Variants in APOL4 observed in about 807,000 individuals in gnomAD.
APOL4 encodes apolipoprotein L, 4.
A neutral mutation model predicts 12.1 loss-of-function variants in APOL4; 14 were observed. The ratio of observed to expected loss-of-function variants is 1.16; its 90% CI spans 0.76 to 1.81. The LOEUF is 1.81. Ranked by LOEUF, APOL4 falls within the 40% of genes most tolerant of loss-of-function variation. The pLI is 0.00. For synonymous variants in APOL4, 171 were observed against 160.6 expected, an observed-to-expected ratio of 1.06 and a Z score of -0.49; for missense variants, 432 against 423.1, an observed-to-expected ratio of 1.02 and a Z score of -0.18.
At chr22:36,195,776 T>TCACACACACA (rs577893547) in intron 2 of APOL4, among the ~76,000 whole-genome samples, 1 of 96,986 alleles carries the variant, frequency 1.0e-5, no homozygotes, top group African/African-American at 3.5e-5. Flanking sequence ...TCTCTCTCTC[T>TCACACACACA]CACACACACA....
At chr22:36,200,702 TG>T (rs1233234508) in intron 1 of APOL4, among the ~76,000 whole-genome samples, 14 of 152,358 alleles carry the variant, frequency 9.2e-5, no homozygotes, top group African/African-American at 3.4e-4. Flanking sequence ...CATCTCAAAA[TG>T]TTTTATACCT....
chr22:36,204,449 G>C (rs2146953889), upstream of APOL4, among the ~76,000 whole-genome samples: 1 of 152,336 alleles, frequency 6.6e-6, no homozygotes, highest in South Asian at 2.1e-4. Context: ...CAGCAGGAGG[G>C]AGGGAGCAAT....
chr22:36,195,743 ATCTCTCTCTCTC>A (rs143180155), intron 2 of APOL4, among the ~76,000 whole-genome samples: 8 of 93,376 alleles, frequency 8.6e-5, no homozygotes, highest in African/African-American at 3.5e-4. Flanking sequence ...GAGACAGATG[ATCTCTCTCTCTC>A]TCTCTCTCTC....
Position 36,189,327 on chromosome 22 carries a change from T to C in APOL4, c.*1748A>G, listed in dbSNP as rs747465037. On this transcript the variant is annotated 3_prime_UTR_variant, in exon 4 of 4. Coordinates refer to ENST00000683024, the MANE Select transcript of APOL4 (RefSeq NM_001386885.1). ...TGTTTGGATTCTCAGAGACACCTGG[T>C]CCTCAGCTGGGCACCATGGAAATGG... 3.9e-5 allele frequency: 6 copies of C among 152,224 alleles called. No homozygotes were observed. Among genetic ancestry groups the C allele is most frequent in the Non-Finnish European group, 8.8e-5 (6 of 68,110 alleles). The allele number at this position is 152,224 out of a possible 1,614,324, so 9.4% of individuals were successfully genotyped here.
intron 3 of APOL4, among the ~76,000 whole-genome samples, chr22:36,193,737 G>A (rs2014327671): frequency 6.6e-6 from 1 of 152,212 alleles, no homozygotes; most frequent in African/African-American, 2.4e-5. Context: ...TGCCTGGCAT[G>A]TTCTCTCTTC....
rs1484113070 is a variant in APOL4 at position 36,190,393 on chromosome 22, A to G, written c.*682T>C. ...ATCAGGAGACAGGGTTTTGAGAGCA[A>G]CCGGTCTGACCAAAATTTATTAGGC... On this transcript the variant is annotated 3_prime_UTR_variant, in exon 4 of 4. Coordinates refer to ENST00000683024, the MANE Select transcript of APOL4 (RefSeq NM_001386885.1). The G allele has an allele frequency of 6.6e-6, 1 of 152,262 alleles. No individual in the cohort carries two copies. Among genetic ancestry groups the G allele is most frequent in the African/African-American group, 2.4e-5 (1 of 41,454 alleles). The allele number at this position is 152,262 out of a possible 1,614,324, so 9.4% of individuals were successfully genotyped here. A position where few individuals can be genotyped will look rare whatever the true frequency, so the allele number is the denominator to read the frequency against.
At chr22:36,202,742 A>G (rs902831553), upstream of APOL4, among the ~76,000 whole-genome samples, 9 of 152,066 alleles carry the variant, frequency 5.9e-5, no homozygotes, top group Non-Finnish European at 8.8e-5. Context: ...AAGAAAAAAA[A>G]AAAAAGAAAA....
intron 1 of APOL4, among the ~76,000 whole-genome samples, chr22:36,200,637 T>G (rs1377448396): frequency 6.6e-6 from 1 of 152,240 alleles, no homozygotes; most frequent in Admixed American, 6.5e-5. Context: ...CCACATTTGA[T>G]TTTATTTCCT....
intron 2 of APOL4, among the ~76,000 whole-genome samples, chr22:36,197,299 A>G (rs140418280): frequency 0.019 from 2,902 of 152,274 alleles, 106 homozygotes; most frequent in African/African-American, 0.066. Flanking sequence ...CTTGGTTGCC[A>G]TGGCAACTCT....
chr22:36,201,814 G>A, upstream of APOL4: 2 of 1,574,074 alleles, frequency 1.3e-6, no homozygotes, highest in Middle Eastern at 1.7e-4. Context: ...CTGACTGTTA[G>A]CCTCAACTAG....
intron 1 of APOL4, 52 bp downstream of exon 1, chr22:36,201,648 C>A: frequency 6.6e-7 from 1 of 1,507,556 alleles, no homozygotes; most frequent in Non-Finnish European, 9.0e-7. Flanking sequence ...ACTGGGAGGA[C>A]CAGGAGAGAG....
At chr22:36,198,928 C>T (rs1419922138) in intron 2 of APOL4, among the ~76,000 whole-genome samples, 1 of 152,188 alleles carries the variant, frequency 6.6e-6, no homozygotes, top group Non-Finnish European at 1.5e-5. Context: ...CAGCCAGGAG[C>T]AGAGAGGGAG....
In APOL4 at chr22:36,195,395, T is replaced by A. The variant is rs747871011; in HGVS notation, c.125A>T (p.Lys42Met). The change falls in exon 3 of 4, where the codon AAG (lysine) becomes ATG (methionine). Residue 42 changes from lysine to methionine, a missense_variant. Physicochemically the swap from Lys to Met is moderately conservative, Grantham distance 95. Coordinates refer to ENST00000683024, the MANE Select transcript of APOL4 (RefSeq NM_001386885.1). ...TTTCAGATGCACTGGGCTAACTTTCTTCTGGAAGTATTCAATGACTTCTTC... is the reference window on the plus strand; with the variant it reads ...TTTCAGATGCACTGGGCTAACTTTCATCTGGAAGTATTCAATGACTTCTTC... Reference protein sequence around the residue: ...FTEEVIEYFQKKVSPVHLKIL... With the variant: ...FTEEVIEYFQMKVSPVHLKIL... 37 of 1,613,988 alleles carry A rather than the reference T, an allele frequency of 2.3e-5. No individual in the cohort carries two copies. The highest frequency in any genetic ancestry group is 2.8e-5 in the Non-Finnish European group (33 of 1,179,852).
intron 3 of APOL4, among the ~76,000 whole-genome samples, chr22:36,193,291 C>T (rs942057979): frequency 6.6e-6 from 1 of 152,196 alleles, no homozygotes. Flanking sequence ...GAGCTGGGCT[C>T]AGTCTCCCTC....
chr22:36,193,109 G>T (rs923271058), intron 3 of APOL4, among the ~76,000 whole-genome samples: 1 of 152,074 alleles, frequency 6.6e-6, no homozygotes, highest in African/African-American at 2.4e-5. Context: ...CTCTGATCAC[G>T]GTCTTCACCC....
At chr22:36,199,773 T>A (rs898197663) in intron 1 of APOL4, among the ~76,000 whole-genome samples, 6 of 152,246 alleles carry the variant, frequency 3.9e-5, no homozygotes, top group African/African-American at 1.4e-4. Flanking sequence ...ATTGAGTGTC[T>A]GTGATGTGCA....
chr22:36,195,532 C>A, intron 2 of APOL4, 95 bp from the exon 3 acceptor site: 1 of 1,413,768 alleles, frequency 7.1e-7, no homozygotes, highest in Admixed American at 2.0e-5. Flanking sequence ...CCTCCTGAAC[C>A]AGCTGTCACA....
intron 3 of APOL4, 66 bp from the exon 4 acceptor site, chr22:36,191,978 G>T: frequency 1.6e-6 from 2 of 1,288,208 alleles, no homozygotes; most frequent in Non-Finnish European, 1.1e-6. Context: ...AGCTCAATAA[G>T]ATCTATTCTG....
chr22:36,198,821 G>A (rs1259271976), intron 2 of APOL4, among the ~76,000 whole-genome samples: 2 of 152,180 alleles, frequency 1.3e-5, no homozygotes, highest in Non-Finnish European at 2.9e-5. Flanking sequence ...GTGGGAAGCT[G>A]GGTCACTCTA....
Sources: gnomAD v4.1 joint callset for allele counts (sites outside exome capture counted in the v4.1 genomes callset) on GRCh38, gnomAD v4.1.1 for gene constraint, MANE v1.5 for transcripts, NCBI Gene and HGNC (gene_info 2026-07-23, HGNC 2026-07-21) for gene names.